The following WWOX variants were observed in gnomAD, a reference collection of about 807,000 sequenced individuals.
WWOX encodes the protein WW domain containing oxidoreductase.
Under a neutral mutation model 46.2 loss-of-function variants are expected in WWOX, and 69 were observed. The ratio of observed to expected loss-of-function variants is 1.49; its 90% CI spans 1.23 to 1.82. The LOEUF (loss-of-function observed/expected upper bound fraction) is 1.82. WWOX is among the 40% of genes most tolerant of loss of function. The probability of loss-of-function intolerance (pLI) is 0.00; values close to 1 mark genes in which losing one functional copy is unlikely to be tolerated. For synonymous variants in WWOX, 359 were observed against 202.6 expected, an observed-to-expected ratio of 1.77 and a Z score of -6.56; for missense variants, 919 against 542.6, an observed-to-expected ratio of 1.69 and a Z score of -6.89.
At chr16:79,017,603 C>T (rs535770802) in intron 8 of WWOX, among the ~76,000 whole-genome samples, 50 of 152,088 alleles carry the variant, frequency 3.3e-4, no homozygotes, top group African/African-American at 1.2e-3. Context: ...CAAAAACAGC[C>T]ATGGACAATT....
At chr16:79,199,714 G>C (rs1029167781) in intron 8 of WWOX, among the ~76,000 whole-genome samples, 2 of 152,096 alleles carry the variant, frequency 1.3e-5, no homozygotes, top group African/African-American at 4.8e-5. Context: ...CATTTGATTA[G>C]GGATCCAGAG....
At chr16:78,111,552 T>C (rs2032491193) in intron 3 of WWOX, among the ~76,000 whole-genome samples, 1 of 152,148 alleles carries the variant, frequency 6.6e-6, no homozygotes, top group African/African-American at 2.4e-5. Flanking sequence ...ACCCGTTACT[T>C]AGCAGACCGC....
intron 8 of WWOX, among the ~76,000 whole-genome samples, chr16:78,866,637 T>A (rs2044009920): frequency 1.3e-5 from 2 of 152,224 alleles, no homozygotes; most frequent in Non-Finnish European, 1.5e-5. Context: ...CCTATTTGGC[T>A]CCTGGCGGTG....
At chr16:78,914,803 C>T (rs1597144229) in intron 8 of WWOX, among the ~76,000 whole-genome samples, 2 of 150,348 alleles carry the variant, frequency 1.3e-5, no homozygotes, top group East Asian at 2.0e-4. Context: ...GGCGTGAACC[C>T]AGGAGGCGGA....
At chr16:78,810,640 C>G (rs2051164440) in intron 8 of WWOX, among the ~76,000 whole-genome samples, 1 of 152,216 alleles carries the variant, frequency 6.6e-6, no homozygotes, top group Admixed American at 6.5e-5. Flanking sequence ...TTCCGCTGAA[C>G]AGGACGTTTG....
At chr16:78,419,625 C>CAAA (rs60762734) in intron 6 of WWOX, among the ~76,000 whole-genome samples, 54 of 44,666 alleles carry the variant, frequency 1.2e-3, no homozygotes, top group East Asian at 5.2e-3. Flanking sequence ...CAAAAAATAG[C>CAAA]AAAAAAAAAA....
chr16:78,465,219 A>T (rs1385293208), intron 8 of WWOX, among the ~76,000 whole-genome samples: 2 of 152,242 alleles, frequency 1.3e-5, no homozygotes, highest in Non-Finnish European at 2.9e-5. Context: ...GTATCATAGA[A>T]TCATAAAAAT....
intron 8 of WWOX, among the ~76,000 whole-genome samples, chr16:78,588,078 T>G (rs948896823): frequency 6.6e-6 from 1 of 152,126 alleles, no homozygotes; most frequent in Non-Finnish European, 1.5e-5. Flanking sequence ...CAGCCCTGCT[T>G]TGTGGCCCTA....
chr16:79,176,811 G>C (rs1245191307), intron 8 of WWOX, among the ~76,000 whole-genome samples: 1 of 152,112 alleles, frequency 6.6e-6, no homozygotes, highest in South Asian at 2.1e-4. Flanking sequence ...AAGGCAAAAA[G>C]ACCCCTGGAA....
chr16:78,639,839 C>G (rs1682469286), intron 8 of WWOX, among the ~76,000 whole-genome samples: 1 of 152,120 alleles, frequency 6.6e-6, no homozygotes, highest in Non-Finnish European at 1.5e-5. Flanking sequence ...GTGTTGGGAT[C>G]ACAGGTGTGA....
intron 8 of WWOX, among the ~76,000 whole-genome samples, chr16:78,886,352 CTTTA>C (rs2044458217): frequency 6.6e-6 from 1 of 150,542 alleles, no homozygotes; most frequent in Non-Finnish European, 1.5e-5. Context: ...CTGTATTCTA[CTTTA>C]TTTACTCAAT....
chr16:78,133,719 T>G (rs1313840220), intron 4 of WWOX, among the ~76,000 whole-genome samples: 1 of 152,186 alleles, frequency 6.6e-6, no homozygotes, highest in Non-Finnish European at 1.5e-5. Flanking sequence ...AATTAACCCC[T>G]GAGGAACAAA....
chr16:78,545,420 G>C (rs1357336861), intron 8 of WWOX, among the ~76,000 whole-genome samples: 1 of 152,100 alleles, frequency 6.6e-6, no homozygotes, highest in Admixed American at 6.6e-5. Flanking sequence ...ATTTCATTAT[G>C]TTGCCCAGGT....
intron 8 of WWOX, among the ~76,000 whole-genome samples, chr16:78,735,789 G>T (rs1369741951): frequency 2.6e-5 from 4 of 151,908 alleles, no homozygotes; most frequent in African/African-American, 9.7e-5. Context: ...CCCCTGCCTT[G>T]CTTTAGGTGG....
chr16:78,324,664 G>A (rs1004254247), intron 5 of WWOX, among the ~76,000 whole-genome samples: 1 of 151,994 alleles, frequency 6.6e-6, no homozygotes, highest in Non-Finnish European at 1.5e-5. Flanking sequence ...TAAACATGAG[G>A]CTAAGTGAAA....
chr16:78,376,029 T>A (rs1330858557), intron 5 of WWOX, among the ~76,000 whole-genome samples: 2 of 152,062 alleles, frequency 1.3e-5, no homozygotes, highest in Admixed American at 6.6e-5. Flanking sequence ...TTTTGTATTT[T>A]TGTAGAGATG....
At chr16:78,968,427 A>T in intron 8 of WWOX, among the ~76,000 whole-genome samples, 1 of 152,208 alleles carries the variant, frequency 6.6e-6, no homozygotes, top group African/African-American at 2.4e-5. Context: ...GTGGTAGCCA[A>T]ACTGTTCCCT....
At chr16:78,471,926 G>C (rs2084231887) in intron 8 of WWOX, among the ~76,000 whole-genome samples, 1 of 151,702 alleles carries the variant, frequency 6.6e-6, no homozygotes, top group Non-Finnish European at 1.5e-5. Context: ...ATCAGTTTTT[G>C]ATTCTACACA....
At chr16:79,056,867 G>C (rs1430548326) in intron 8 of WWOX, among the ~76,000 whole-genome samples, 1 of 152,210 alleles carries the variant, frequency 6.6e-6, no homozygotes, top group Non-Finnish European at 1.5e-5. Flanking sequence ...CAAAGCTAAA[G>C]AGCCTTTCAG....
Sources: allele counts gnomAD v4.1 joint callset (sites outside exome capture counted in the v4.1 genomes callset), GRCh38; gene constraint gnomAD v4.1.1; transcripts MANE v1.5; gene names NCBI Gene and HGNC (gene_info 2026-07-23, HGNC 2026-07-21).